HUNK: variants seen among roughly 807,000 people sequenced by gnomAD.
The protein encoded by HUNK is hormonally up-regulated Neu-associated kinase.
A neutral mutation model predicts 61.0 loss-of-function variants in HUNK; 21 were observed. The observed-to-expected ratio is 0.34, with a 90% CI of 0.24 to 0.50. The LOEUF is 0.50. Ranked by LOEUF, HUNK falls within the 20% of genes least tolerant of loss-of-function variation. The probability of loss-of-function intolerance (pLI) is 0.98; values close to 1 mark genes in which losing one functional copy is unlikely to be tolerated. For synonymous variants in HUNK, 371 were observed against 386.1 expected, an observed-to-expected ratio of 0.96 and a Z score of 0.46; for missense variants, 772 against 945.7, an observed-to-expected ratio of 0.82 and a Z score of 2.41.
At chr21:31,963,620 C>G (rs2052943360) in intron 5 of HUNK, among the ~76,000 whole-genome samples, 1 of 152,162 alleles carries the variant, frequency 6.6e-6, no homozygotes, top group African/African-American at 2.4e-5. Context: ...CCTCAGCCTC[C>G]CAAGTAGCTG....
At chr21:31,941,409 C>T (rs532148792) in intron 3 of HUNK, among the ~76,000 whole-genome samples, 14 of 151,706 alleles carry the variant, frequency 9.2e-5, no homozygotes, top group African/African-American at 1.5e-4. Flanking sequence ...CGGGTTCAAG[C>T]GATTCTCCTG....
At chr21:31,927,477 A>G (rs2052669232) in intron 2 of HUNK, among the ~76,000 whole-genome samples, 1 of 152,048 alleles carries the variant, frequency 6.6e-6, no homozygotes, top group South Asian at 2.1e-4. Flanking sequence ...CCCCGTCTCT[A>G]CTAAAAATAC....
At chr21:31,925,953 G>A (rs776823299) in intron 2 of HUNK, among the ~76,000 whole-genome samples, 3 of 149,448 alleles carry the variant, frequency 2.0e-5, no homozygotes, top group Non-Finnish European at 3.0e-5. Context: ...ACTGAGTCTC[G>A]CTTTGTCGCC....
chr21:31,887,099 T>C (rs188233599), intron 1 of HUNK, among the ~76,000 whole-genome samples: 141 of 152,306 alleles, frequency 9.3e-4, no homozygotes, highest in Admixed American at 2.0e-3. Context: ...GTGATGACTA[T>C]GTTGAATGGG....
rs16988657 is a variant in HUNK, at chr21:31,945,211, G to A, written c.611-825G>A. On this transcript the variant is annotated intron_variant, in intron 3 of 10. Coordinates refer to ENST00000270112, the MANE Select transcript of HUNK (RefSeq NM_014586.2). ...AAAGATTAAGGAAAGATTCAGATGA[G>A]GGCATAACAGTAACAGCTCTTTAAT... Among the ~76,000 whole-genome samples the A allele has an allele frequency of 6.6e-3, 1,001 of 152,174 alleles. 13 individuals carry two copies. The highest frequency in any genetic ancestry group is 0.023 in the African/African-American group (969 of 41,508).
Position 32,000,367 on chromosome 21 carries a change from C to T in HUNK, c.*1183C>T, listed in dbSNP as rs1050310205. 1.8e-5 allele frequency: 7 copies of T among 398,960 alleles called. No individual in the cohort carries two copies. The highest frequency in any genetic ancestry group is 6.2e-4 in the Middle Eastern group (1 of 1,610). The allele number at this position is 398,960 out of a possible 1,614,324, so 24.7% of individuals were successfully genotyped here. On this transcript the variant is annotated 3_prime_UTR_variant, in exon 11 of 11. Coordinates refer to ENST00000270112, the MANE Select transcript of HUNK (RefSeq NM_014586.2). ...AGCTCCTCAAACAGGGTTCAGTCCA[C>T]GTTGTGTTTTCACACCTTTCTCCAA...
At chr21:31,978,070 C>T (rs1171907952) in intron 7 of HUNK, among the ~76,000 whole-genome samples, 1 of 152,214 alleles carries the variant, frequency 6.6e-6, no homozygotes, top group East Asian at 1.9e-4. Flanking sequence ...GTCTGCTTTG[C>T]CCAGCATCCA....
chr21:31,939,400 T>C (rs1420914670), intron 2 of HUNK, among the ~76,000 whole-genome samples: 8 of 53,086 alleles, frequency 1.5e-4, no homozygotes, highest in Admixed American at 1.2e-3. Context: ...CTTTCATGTG[T>C]TTTTTTTTTT....
rs1181194597 is a variant in HUNK, at chr21:31,962,620, T to C, written c.874+3650T>C. 2.0e-5 allele frequency among the ~76,000 whole-genome samples: 3 copies of C among 152,256 alleles called. No homozygotes were observed. In the East Asian group the frequency reaches 5.8e-4, roughly 29 times the overall value. On this transcript the variant is annotated intron_variant, in intron 5 of 10. Transcript: ENST00000270112. ...GGCCTTAAGCTCTGTGTGTGCTTGT[T>C]AAAGATCTTCACATTCCTACAGGAC...
At chr21:31,995,209 G>A (rs2053196245) in intron 9 of HUNK, among the ~76,000 whole-genome samples, 1 of 147,912 alleles carries the variant, frequency 6.8e-6, no homozygotes, top group African/African-American at 2.5e-5. Flanking sequence ...ATACACACGA[G>A]TACTAAGTAC....
At chr21:31,874,437 C>T (rs1251039737) in intron 1 of HUNK, among the ~76,000 whole-genome samples, 1 of 152,066 alleles carries the variant, frequency 6.6e-6, no homozygotes, top group African/African-American at 2.4e-5. Flanking sequence ...TGAGATCCTG[C>T]ATTCCTTCCC....
At chr21:31,979,192 T>C (rs937010194) in intron 7 of HUNK, among the ~76,000 whole-genome samples, 2 of 151,600 alleles carry the variant, frequency 1.3e-5, no homozygotes, top group Non-Finnish European at 2.9e-5. Flanking sequence ...AACCTCTGCT[T>C]ACTGCAACCT....
chr21:31,940,745 A>T (rs774452304), intron 3 of HUNK, among the ~76,000 whole-genome samples: 1 of 152,236 alleles, frequency 6.6e-6, no homozygotes, highest in Non-Finnish European at 1.5e-5. Flanking sequence ...TTCATGGTCC[A>T]TAGCAAATTC....
rs398036365 is a variant in HUNK, at chr21:31,939,399, G to GTTT, written c.555-742_555-740dup. ...TCATCAATTAAGTTGGCTTTCATGT[G>GTTT]TTTTTTTTTTTTTTTTTTTTTTTTT... On this transcript the variant is annotated intron_variant, in intron 2 of 10. Transcript: ENST00000270112. 1.0e-3 allele frequency among the ~76,000 whole-genome samples: 67 copies of GTTT among 66,730 alleles called. 11 individuals are homozygous for GTTT. The highest frequency in any genetic ancestry group is 4.1e-3 in the African/African-American group (57 of 14,066). 43.8% of individuals were successfully genotyped at this position (66,730 alleles called of 152,430 possible).
In HUNK at chr21:31,917,695, T is replaced by TACACACACACAC. The variant is rs3056146; in HGVS notation, c.262-6722_262-6711dup. Among the ~76,000 whole-genome samples the TACACACACACAC allele has an allele frequency of 3.3e-3, 316 of 94,936 alleles. 6 individuals carry two copies. Among genetic ancestry groups the TACACACACACAC allele is most frequent in the East Asian group, 5.1e-3 (14 of 2,726 alleles). The allele number at this position is 94,936 out of a possible 152,430, so 62.3% of individuals were successfully genotyped here. A position where few individuals can be genotyped will look rare whatever the true frequency, so the allele number is the denominator to read the frequency against. ...CTCCTGAAACTCCCATTCCCAAACA[T>TACACACACACAC]ACACACACACACACACACACACACA... On this transcript the variant is annotated intron_variant, in intron 1 of 10. Coordinates refer to ENST00000270112, the MANE Select transcript of HUNK (RefSeq NM_014586.2).
intron 1 of HUNK, among the ~76,000 whole-genome samples, chr21:31,898,197 C>A (rs74317584): frequency 0.41 from 214 of 518 alleles, 1 homozygote; most frequent in Admixed American, 0.5. Context: ...TGTAGTGAAA[C>A]CCCACCTGGG....
rs1032418183 is a variant in HUNK at position 31,970,139 on chromosome 21, G to T, written c.1010+1754G>T. Among the ~76,000 whole-genome samples the T allele has an allele frequency of 3.9e-5, 6 of 152,158 alleles. No homozygotes were observed. In the South Asian group the frequency reaches 1.0e-3, roughly 26 times the overall value. On this transcript the variant is annotated intron_variant, in intron 6 of 10. Transcript: ENST00000270112. ...AAAGGGGTGTCCTGTGTGGTCATAG[G>T]TTCAATGCCTAGGAAGGTCTAGAAA...
At chr21:31,906,699 G>A (rs953352271) in intron 1 of HUNK, among the ~76,000 whole-genome samples, 23 of 152,184 alleles carry the variant, frequency 1.5e-4, no homozygotes, top group Middle Eastern at 3.4e-3. Context: ...TAAAGTGCTG[G>A]GATTACAGGT....
intron 10 of HUNK, among the ~76,000 whole-genome samples, chr21:31,997,476 C>T (rs1055401517): frequency 2.0e-5 from 3 of 152,310 alleles, no homozygotes; most frequent in Admixed American, 6.5e-5. Flanking sequence ...AAGTGAATTA[C>T]GCCAGTCCCT....
Sources: allele counts gnomAD v4.1 joint callset (sites outside exome capture counted in the v4.1 genomes callset), GRCh38; gene constraint gnomAD v4.1.1; transcripts MANE v1.5; gene names NCBI Gene and HGNC (gene_info 2026-07-23, HGNC 2026-07-21).